MTMR8: variants seen among roughly 807,000 people sequenced by gnomAD.
MTMR8 encodes myotubularin related protein 8, also known as phosphatidylinositol-3,5-bisphosphate 3-phosphatase MTMR8.
Under a neutral mutation model 39.3 loss-of-function variants are expected in MTMR8, and 65 were observed. The observed-to-expected ratio is 1.65, with a 90% CI of 1.35 to 2.03. The LOEUF is 2.03. Among genes scored for constraint, MTMR8 ranks in the 30% most tolerant of loss-of-function variants. The pLI, the probability that MTMR8 is intolerant of heterozygous loss-of-function variation, is 0.00. For missense variants in MTMR8, 777 were observed against 538.9 expected (o/e 1.44, Z -4.37); for synonymous variants, 245 against 185.2 (o/e 1.32, Z -2.62).
chrX:64,359,434 C>A lies in MTMR8; in HGVS notation c.118G>T (p.Ala40Ser). 1 of 1,207,110 alleles carries A rather than the reference C, an allele frequency of 8.3e-7. No individual in the cohort carries two copies. The highest frequency in any genetic ancestry group is 1.8e-5 in the South Asian group (1 of 56,336). ...GTTTCTTTCCGGGCTGCACCTGAAG[C>A]CTCCACATAGATCAGGTGGGTTGCA... ...LTATHLIYVEASGAARKETWI... is the reference protein window; with the variant it reads ...LTATHLIYVESSGAARKETWI... The change falls in exon 2 of 14, where the codon GCT becomes TCT. Residue 40 changes from alanine to serine, a missense_variant. Physicochemically the swap from Ala to Ser is moderately conservative, Grantham distance 99. Coordinates refer to ENST00000374852, the MANE Select transcript of MTMR8 (RefSeq NM_017677.4).
intron 1 of MTMR8, among the ~76,000 whole-genome samples, chrX:64,372,079 T>C (rs1478429986): frequency 9.2e-6 from 1 of 108,966 alleles, no homozygotes; most frequent in Non-Finnish European, 1.9e-5. Context: ...AACGGTAGCC[T>C]AAATTTAGAA....
At chrX:64,296,397 T>C (rs934500416) in intron 12 of MTMR8, among the ~76,000 whole-genome samples, 5 of 110,575 alleles carry the variant, frequency 4.5e-5, no homozygotes, top group Non-Finnish European at 9.5e-5. Flanking sequence ...ATAATGATGG[T>C]AGATGCACAA....
chrX:64,305,326 G>C, intron 12 of MTMR8: 1 of 204,430 alleles, frequency 4.9e-6, no homozygotes, highest in Non-Finnish European at 9.3e-6. Flanking sequence ...TGTACAACTT[G>C]TGCATCTTTT....
At chrX:64,353,752 C>T (rs1228508179) in intron 4 of MTMR8, among the ~76,000 whole-genome samples, 1 of 110,199 alleles carries the variant, frequency 9.1e-6, no homozygotes, top group Non-Finnish European at 1.9e-5. Flanking sequence ...GTTCAAGAAT[C>T]CCATCTCTAC....
intron 13 of MTMR8, among the ~76,000 whole-genome samples, chrX:64,270,672 T>C (rs959655162): frequency 1.8e-5 from 2 of 112,028 alleles, no homozygotes; most frequent in Non-Finnish European, 3.8e-5. Context: ...TCCCTAGTCA[T>C]TCCCTCTTGT....
chrX:64,349,916 T>C, intron 5 of MTMR8, 26 bp downstream of exon 5: 6 of 1,102,729 alleles, frequency 5.4e-6, no homozygotes, highest in Non-Finnish European at 7.2e-6. Context: ...TGTTTAATTA[T>C]CATTAGAGAA....
chrX:64,363,003 A>G (rs190290438), intron 1 of MTMR8, among the ~76,000 whole-genome samples: 2 of 111,374 alleles, frequency 1.8e-5, no homozygotes, highest in East Asian at 5.7e-4. Context: ...TGGGAATAAA[A>G]TAAAGTTAAA....
chrX:64,301,846 C>G (rs1921890044), intron 12 of MTMR8, among the ~76,000 whole-genome samples: 1 of 111,920 alleles, frequency 8.9e-6, no homozygotes, highest in African/African-American at 3.2e-5. Context: ...CAGTGTGCCC[C>G]TGCTGGGTGG....
At chrX:64,367,444 G>C (rs759122012) in intron 1 of MTMR8, among the ~76,000 whole-genome samples, 29 of 111,907 alleles carry the variant, frequency 2.6e-4, no homozygotes, top group African/African-American at 8.8e-4. Context: ...GGGATGCAAG[G>C]CTGGTTCAAC....
chrX:64,365,405 G>T (rs978133902), intron 1 of MTMR8, among the ~76,000 whole-genome samples: 1 of 111,368 alleles, frequency 9.0e-6, no homozygotes, highest in East Asian at 2.8e-4. Context: ...GACTAACAGC[G>T]GATCTCTCAG....
rs183036814 is a variant in MTMR8, at chrX:64,308,505, T to A, written c.1481+20267A>T. On this transcript the variant is annotated intron_variant, in intron 12 of 13. Transcript: ENST00000374852. The stretch of plus-strand genomic sequence containing the variant: ...ATACTTTTTATGATTTATTTTTTAG[T>A]TTTTTGGCTTTCCTATTTATAATTC... 7.2e-4 allele frequency among the ~76,000 whole-genome samples: 79 copies of A among 109,785 alleles called. No individual in the cohort carries two copies. In the East Asian group the frequency reaches 0.022, roughly 30 times the overall value.
chrX:64,289,022 A>AT (rs1031861870), intron 12 of MTMR8, among the ~76,000 whole-genome samples: 4 of 109,573 alleles, frequency 3.7e-5, no homozygotes, highest in African/African-American at 6.6e-5. Context: ...TATAATAAAA[A>AT]ATATATATAT....
At chrX:64,306,446 A>T (rs777342389) in intron 12 of MTMR8, 1 of 155,111 alleles carries the variant, frequency 6.4e-6, no homozygotes, top group South Asian at 1.6e-4. Context: ...CGATCACTGG[A>T]CAAAGCTTCC....
At chrX:64,331,299 G>A (rs1922932403) in intron 11 of MTMR8, 3 of 361,505 alleles carry the variant, frequency 8.3e-6, no homozygotes, top group Middle Eastern at 8.2e-4. Context: ...CAAAGGCCTT[G>A]TACATCCATT....
rs1418584537 is a variant in MTMR8 at position 64,271,031 on chromosome X, C to T, written c.1524G>A (p.Gln508=). The T allele has an allele frequency of 8.3e-7, 1 of 1,208,430 alleles. No homozygotes were observed. The highest frequency in any genetic ancestry group is 1.1e-6 in the Non-Finnish European group (1 of 894,045). ...GMYNRFDKGL[Q]PKQSMLESLL... is the part of the protein sequence containing the mutation. ...GGCTCTCTAGCATACTCTGCTTGGG[C>T]TGCAGCCCTTTGTCAAAGCGGTTAT... is the stretch of plus-strand genomic sequence containing the variant. Residue 508 remains glutamine, a synonymous_variant, in exon 13 of 14, where the codon CAG becomes CAA. Coordinates refer to ENST00000374852, the MANE Select transcript of MTMR8 (RefSeq NM_017677.4).
intron 13 of MTMR8, among the ~76,000 whole-genome samples, chrX:64,270,657 T>G (rs1569206232): frequency 8.9e-6 from 1 of 112,235 alleles, no homozygotes; most frequent in Non-Finnish European, 1.9e-5. Context: ...AAATGCTATG[T>G]GATTTCCCTA....
rs747852865 is a variant in MTMR8 at position 64,327,754 on chromosome X, C to T, written c.1481+1018G>A. Among the ~76,000 whole-genome samples the T allele has an allele frequency of 4.7e-4, 53 of 111,813 alleles. No homozygotes were observed. In the South Asian group the frequency reaches 0.015, roughly 32 times the overall value. ...CCCATGTTTATTGCAGCACTATTCA[C>T]AATAGCCAAGATATGAAGTCAACCT... On this transcript the variant is annotated intron_variant, in intron 12 of 13. Transcript: ENST00000374852.
chrX:64,293,609 G>T (rs943818827), intron 12 of MTMR8, among the ~76,000 whole-genome samples: 1 of 111,188 alleles, frequency 9.0e-6, no homozygotes, highest in African/African-American at 3.3e-5. Flanking sequence ...ATAGGGATCT[G>T]GTGGTTGCAG....
At chrX:64,292,235 A>C (rs1428254334) in intron 12 of MTMR8, among the ~76,000 whole-genome samples, 2 of 111,830 alleles carry the variant, frequency 1.8e-5, no homozygotes, top group Non-Finnish European at 3.8e-5. Flanking sequence ...CTATCATGAC[A>C]ATTATGCTTT....
Sources: gnomAD v4.1 joint callset for allele counts (sites outside exome capture counted in the v4.1 genomes callset) on GRCh38, gnomAD v4.1.1 for gene constraint, MANE v1.5 for transcripts, NCBI Gene and HGNC (gene_info 2026-07-23, HGNC 2026-07-21) for gene names.